TTC3: variants seen among roughly 807,000 people sequenced by gnomAD.
TTC3 encodes the protein tetratricopeptide repeat domain 3.
In TTC3, 180 loss-of-function variants were observed where a neutral mutation model predicts 249.6. The observed-to-expected ratio is 0.72, with a 90% CI of 0.64 to 0.82. TTC3 has a LOEUF of 0.82. Among genes scored for constraint, TTC3 ranks in the 40% least tolerant of loss-of-function variants. The pLI, the probability that TTC3 is intolerant of heterozygous loss-of-function variation, is 0.00. For synonymous variants in TTC3, 717 were observed against 805.0 expected (o/e 0.89, Z 1.85); for missense variants, 2,061 against 2,398.4 (o/e 0.86, Z 2.94).
intron 16 of TTC3, among the ~76,000 whole-genome samples, chr21:37,131,182 G>C (rs2077441068): frequency 6.6e-6 from 1 of 152,058 alleles, no homozygotes; most frequent in Admixed American, 6.6e-5. Flanking sequence ...ATGCTAATGA[G>C]GTGACTCAAG....
Position 37,190,456 on chromosome 21 carries a change from A to AT in TTC3, c.5025-870dup, listed in dbSNP as rs534264045. On this transcript the variant is annotated intron_variant, in intron 39 of 45. Coordinates refer to ENST00000355666, the Ensembl canonical transcript of TTC3. ...GCCCCTTCTTCATTTTCAAGATTTAATTTTTTTTCATGAGAAAACTTTTCT... is the reference window on the plus strand; with the variant it reads ...GCCCCTTCTTCATTTTCAAGATTTAATTTTTTTTTCATGAGAAAACTTTTCT... Among the ~76,000 whole-genome samples the AT allele has an allele frequency of 5.3e-4, 80 of 151,380 alleles. 1 individual carries two copies. The highest frequency in any genetic ancestry group is 3.4e-3 in the Middle Eastern group (1 of 292).
chr21:37,199,631 A>C (rs1022335418), intron 44 of TTC3, among the ~76,000 whole-genome samples: 1 of 152,238 alleles, frequency 6.6e-6, no homozygotes, highest in Admixed American at 6.5e-5. Flanking sequence ...AGAAACTAGA[A>C]AATAGTAAAG....
At chr21:37,087,450 T>C in intron 2 of TTC3, 49 bp downstream of exon 2, 2 of 1,606,076 alleles carry the variant, frequency 1.2e-6, no homozygotes, top group Non-Finnish European at 1.7e-6. Context: ...TATTGAAGGT[T>C]TTCTGGTTTA....
chr21:37,102,329 G>T (rs2074592352), intron 10 of TTC3, among the ~76,000 whole-genome samples: 1 of 152,002 alleles, frequency 6.6e-6, no homozygotes, highest in African/African-American at 2.4e-5. Flanking sequence ...AATTATAATT[G>T]AGGAAAAAAG....
chr21:37,198,089 C>T, intron 44 of TTC3, 64 bp downstream of exon 44: 1 of 1,503,646 alleles, frequency 6.7e-7, no homozygotes, highest in Non-Finnish European at 8.9e-7. Flanking sequence ...ATTTTTAATC[C>T]ATGATTTAGC....
chr21:37,191,967 GA>G (rs1209517173), intron 40 of TTC3, 144 bp from the exon 41 acceptor site: 5 of 540,630 alleles, frequency 9.2e-6, no homozygotes, highest in Non-Finnish European at 1.6e-5. Context: ...AGTTATGTTT[GA>G]AAAGGCTTTG....
chr21:37,157,794 A>G (rs754704397), intron 28 of TTC3, among the ~76,000 whole-genome samples: 2 of 152,166 alleles, frequency 1.3e-5, no homozygotes, highest in Non-Finnish European at 2.9e-5. Flanking sequence ...TTAAAATGAG[A>G]TGATTTGGAG....
At chr21:37,073,324 T>TGCTGCTGCC in exon 1 of TTC3, 1 of 647,282 alleles carries the variant, frequency 1.5e-6, no homozygotes, top group Non-Finnish European at 1.9e-6. Flanking sequence ...CGGCTGCTGC[T>TGCTGCTGCC]GCTGCTGCCC....
At chr21:37,087,748 T>A (rs375907316) in intron 2 of TTC3, 85 bp from the exon 3 acceptor site, 1 of 1,093,330 alleles carries the variant, frequency 9.1e-7, no homozygotes, top group East Asian at 2.5e-5. Flanking sequence ...CCACTGAAAG[T>A]TCTTTGGTTA....
intron 36 of TTC3, 30 bp from the exon 37 acceptor site, chr21:37,185,676 A>T: frequency 6.9e-7 from 1 of 1,449,366 alleles, no homozygotes; most frequent in Non-Finnish European, 9.2e-7. Flanking sequence ...TTTCAAAATT[A>T]ATTAATATTT....
At chr21:37,150,003 A>G in intron 23 of TTC3, 75 bp from the exon 24 acceptor site, 1 of 1,088,072 alleles carries the variant, frequency 9.2e-7, no homozygotes, top group Non-Finnish European at 1.3e-6. Flanking sequence ...CTAGTGGTAA[A>G]AATAGTATAC....
At chr21:37,077,720 CTT>C (rs2071094756) in intron 1 of TTC3, among the ~76,000 whole-genome samples, 1 of 152,064 alleles carries the variant, frequency 6.6e-6, no homozygotes, top group Non-Finnish European at 1.5e-5. Context: ...TATGAACTGT[CTT>C]TGTTTCCTTT....
intron 28 of TTC3, chr21:37,158,022 G>A: frequency 3.5e-6 from 2 of 572,764 alleles, no homozygotes; most frequent in Non-Finnish European, 4.4e-6. Context: ...GTACGATGGT[G>A]TCACAGATGA....
exon 22 of TTC3, chr21:37,147,583 A>C: frequency 6.2e-7 from 1 of 1,608,108 alleles, no homozygotes; most frequent in Admixed American, 1.7e-5. Context: ...CCAGATATAC[A>C]TAACTGATCC....
chr21:37,091,449 GTT>G (rs1456313146), intron 7 of TTC3, 36 bp downstream of exon 7: 2 of 1,557,028 alleles, frequency 1.3e-6, no homozygotes, highest in Admixed American at 4.1e-5. Flanking sequence ...ACTTGACTCA[GTT>G]TTTAAAGGTG....
Position 37,182,838 on chromosome 21 carries a change from AG to A in TTC3, c.4684del (p.Glu1562LysfsTer9), listed in dbSNP as rs1569163425. The A allele has an allele frequency of 6.3e-7, 1 of 1,596,180 alleles. No individual in the cohort carries two copies. The highest frequency in any genetic ancestry group is 2.3e-5 in the East Asian group (1 of 44,320). The stretch of plus-strand genomic sequence containing the variant: ...GAAAGAGAAATTAAAAAATGGCAAC[AG>A]GAAAAAAAAGAAATCCAAGAAAGAC... On this transcript the variant is annotated frameshift_variant, in exon 36 of 46. Transcript: ENST00000355666. LOFTEE classifies it high-confidence loss of function.
At chr21:37,118,918 A>G (rs1352411683) in intron 11 of TTC3, among the ~76,000 whole-genome samples, 1 of 152,076 alleles carries the variant, frequency 6.6e-6, no homozygotes, top group Non-Finnish European at 1.5e-5. Flanking sequence ...TGCATATTTC[A>G]TGTCTTTAAC....
At chr21:37,201,807 A>C in exon 46 of TTC3, 3 of 569,376 alleles carry the variant, frequency 5.3e-6, no homozygotes, top group Non-Finnish European at 9.0e-6. Flanking sequence ...CTCATGGGTC[A>C]CTGGGGCTGC....
intron 11 of TTC3, among the ~76,000 whole-genome samples, chr21:37,119,384 C>T (rs186773270): frequency 2.0e-5 from 3 of 152,256 alleles, no homozygotes; most frequent in African/African-American, 7.2e-5. Flanking sequence ...GATTTGTTTC[C>T]GTTCCGGCTC....
Sources: gnomAD v4.1 joint callset for allele counts (sites outside exome capture counted in the v4.1 genomes callset) on GRCh38, gnomAD v4.1.1 for gene constraint, MANE v1.5 for transcripts, NCBI Gene and HGNC (gene_info 2026-07-23, HGNC 2026-07-21) for gene names.